The following PIEZO2 variants were observed in gnomAD, a reference collection of about 807,000 sequenced individuals.
PIEZO2 encodes the protein piezo type mechanosensitive ion channel component 2.
In PIEZO2, 172 loss-of-function variants were observed where a neutral mutation model predicts 337.3. The ratio of observed to expected loss-of-function variants is 0.51; its 90% CI spans 0.45 to 0.58. The LOEUF is 0.58. Ranked by LOEUF, PIEZO2 falls within the 20% of genes least tolerant of loss-of-function variation. The pLI is 0.00. For missense variants in PIEZO2, 3,028 were observed against 3,391.3 expected (o/e 0.89, Z 2.66); for synonymous variants, 1,251 against 1,228.5 (o/e 1.02, Z -0.38).
Position 10,837,614 on chromosome 18 carries a change from T to C in PIEZO2, c.917+17739A>G, listed in dbSNP as rs1042468965. Among the ~76,000 whole-genome samples, 4 of 152,170 alleles carry C rather than the reference T, an allele frequency of 2.6e-5. No homozygotes were observed. Among genetic ancestry groups the C allele is most frequent in the African/African-American group, 9.7e-5 (4 of 41,424 alleles). ...TGTAAGAAAAGGCCTAAAATCTAACTGTGGGTGGACAGAACAGAATTAATT... is the reference window on the plus strand; with the variant it reads ...TGTAAGAAAAGGCCTAAAATCTAACCGTGGGTGGACAGAACAGAATTAATT... On this transcript the variant is annotated intron_variant, in intron 7 of 55. Coordinates refer to ENST00000674853, the MANE Select transcript of PIEZO2 (RefSeq NM_001378183.1). The surrounding 1 kb of genome is among the most constrained non-coding windows in gnomAD (Gnocchi z 4.4).
intron 50 of PIEZO2, 133 bp from the exon 51 acceptor site, chr18:10,681,886 G>A (rs988728264): frequency 2.0e-5 from 17 of 868,894 alleles, no homozygotes; most frequent in Admixed American, 2.6e-5. Flanking sequence ...CATGGCATCC[G>A]AGATCTCTTT....
intron 2 of PIEZO2, among the ~76,000 whole-genome samples, chr18:11,005,589 G>C (rs933502657): frequency 2.0e-5 from 3 of 151,982 alleles, no homozygotes; most frequent in Admixed American, 6.6e-5. Flanking sequence ...GACTGCTAAT[G>C]TGCTTCAGCC....
At chr18:10,999,242 C>T (rs1479752315) in intron 2 of PIEZO2, among the ~76,000 whole-genome samples, 3 of 151,018 alleles carry the variant, frequency 2.0e-5, no homozygotes, top group East Asian at 1.9e-4. Flanking sequence ...ACCAAATCTG[C>T]GTAGAGTTTG....
Position 10,872,281 on chromosome 18 carries a change from A to T in PIEZO2, c.330-866T>A, listed in dbSNP as rs558430579. 6.6e-6 allele frequency among the ~76,000 whole-genome samples: 1 copy of T among 152,318 alleles called. No homozygotes were observed. Among genetic ancestry groups the T allele is most frequent in the African/African-American group, 2.4e-5 (1 of 41,576 alleles). Reference sequence around the variant, plus strand: ...TTTGTTATAATTGAGATCCTGAAACAAATATATTTAATAATATAGCAGGCA... The same window carrying T: ...TTTGTTATAATTGAGATCCTGAAACTAATATATTTAATAATATAGCAGGCA... On this transcript the variant is annotated intron_variant, in intron 4 of 55. Coordinates refer to ENST00000674853, the MANE Select transcript of PIEZO2 (RefSeq NM_001378183.1). The surrounding 1 kb of genome is among the most constrained non-coding windows in gnomAD (Gnocchi z 4.3).
chr18:10,797,562 A>C (rs1234821339), intron 11 of PIEZO2, 40 bp from the exon 12 acceptor site: 1 of 1,532,952 alleles, frequency 6.5e-7, no homozygotes, highest in Admixed American at 2.0e-5. Context: ...TTATGCAAAC[A>C]TGTGACATTT....
rs1277898816 is a variant in PIEZO2 at position 10,783,190 on chromosome 18, C to A, written c.2492+1594G>T. ...TTTCACTAGCAATGCTTAATAATTA[C>A]AACTCCTTCACAAACATATAAATTG... On this transcript the variant is annotated intron_variant, in intron 17 of 55. Coordinates refer to ENST00000674853, the MANE Select transcript of PIEZO2 (RefSeq NM_001378183.1). The surrounding 1 kb of genome is among the most constrained non-coding windows in gnomAD (Gnocchi z 4.3). Among the ~76,000 whole-genome samples, 1 of 152,002 alleles carries A rather than the reference C, an allele frequency of 6.6e-6. No homozygotes were observed. Among genetic ancestry groups the A allele is most frequent in the Admixed American group, 6.6e-5 (1 of 15,264 alleles).
At chr18:10,891,756 T>C (rs1330638387) in intron 4 of PIEZO2, among the ~76,000 whole-genome samples, 1 of 152,166 alleles carries the variant, frequency 6.6e-6, no homozygotes, top group Admixed American at 6.5e-5. Context: ...TATAAAAAAT[T>C]CCAAATTTTT....
intron 3 of PIEZO2, among the ~76,000 whole-genome samples, chr18:10,941,454 C>G (rs2032722146): frequency 6.6e-6 from 1 of 152,096 alleles, no homozygotes; most frequent in African/African-American, 2.4e-5. Context: ...GGAAATGAAC[C>G]CCACACAAAT....
At chr18:11,010,443 C>T (rs757558195) in intron 2 of PIEZO2, among the ~76,000 whole-genome samples, 3 of 152,084 alleles carry the variant, frequency 2.0e-5, no homozygotes, top group African/African-American at 4.8e-5. Flanking sequence ...TCACACAATC[C>T]TCTAAGAGCC....
intron 3 of PIEZO2, among the ~76,000 whole-genome samples, chr18:10,957,491 T>C (rs1482103277): frequency 3.3e-5 from 5 of 151,104 alleles, no homozygotes; most frequent in Non-Finnish European, 7.4e-5. Flanking sequence ...AATTATACCC[T>C]CTTCTTATAC....
chr18:10,959,188 T>A (rs2033663966), intron 3 of PIEZO2, among the ~76,000 whole-genome samples: 1 of 152,196 alleles, frequency 6.6e-6, no homozygotes, highest in Admixed American at 6.5e-5. Flanking sequence ...AAAGAGCTGT[T>A]TTAAATGGTT....
At chr18:11,007,805 G>A (rs1240472507) in intron 2 of PIEZO2, among the ~76,000 whole-genome samples, 1 of 152,052 alleles carries the variant, frequency 6.6e-6, no homozygotes, top group African/African-American at 2.4e-5. Context: ...GAAGGCAAAT[G>A]TAAATATACT....
chr18:10,806,604 G>T (rs146783967), intron 8 of PIEZO2, among the ~76,000 whole-genome samples: 10 of 152,126 alleles, frequency 6.6e-5, no homozygotes, highest in African/African-American at 2.2e-4. Flanking sequence ...AAGAGCGCTG[G>T]AGGAGATTTG....
chr18:10,842,300 C>T (rs2041221711), intron 7 of PIEZO2, among the ~76,000 whole-genome samples: 1 of 151,780 alleles, frequency 6.6e-6, no homozygotes, highest in Non-Finnish European at 1.5e-5. Flanking sequence ...GATGTTTGTC[C>T]CCTCCAAATC....
In PIEZO2 at chr18:11,109,611, C is replaced by T. The variant is rs185287262; in HGVS notation, c.64+38914G>A. 4.9e-4 allele frequency among the ~76,000 whole-genome samples: 74 copies of T among 152,034 alleles called. No homozygotes were observed. In the East Asian group the frequency reaches 7.6e-3, roughly 16 times the overall value. On this transcript the variant is annotated intron_variant, in intron 1 of 55. Transcript: ENST00000674853. The surrounding 1 kb of genome is among the most constrained non-coding windows in gnomAD (Gnocchi z 5.1). Reference sequence around the variant, plus strand: ...CATGCACCTGTAATCCCAGCTACACCGGAGGCTGAGGCAAGAGAATTGTTT... The same window carrying T: ...CATGCACCTGTAATCCCAGCTACACTGGAGGCTGAGGCAAGAGAATTGTTT...
rs549662510 is a variant in PIEZO2 at position 10,880,244 on chromosome 18, G to A, written c.330-8829C>T. Among the ~76,000 whole-genome samples, 46 of 152,272 alleles carry A rather than the reference G, an allele frequency of 3.0e-4. 1 individual carries two copies. Among genetic ancestry groups the A allele is most frequent in the African/African-American group, 1.0e-3 (42 of 41,566 alleles). ...GGCACTGATGGCCATGCCTGAATTT[G>A]GTCTGATAAATTTATTAATCAAATT... is the stretch of plus-strand genomic sequence containing the variant. On this transcript the variant is annotated intron_variant, in intron 4 of 55. Transcript: ENST00000674853.
rs531859437 is a variant in PIEZO2, at chr18:10,765,202, G to A, written c.2947-2104C>T. ...CAGCGTAAGGGGACTGAGACCTGACGAATAAACAGGAGTTAGACAGGCAGA... is the reference window on the plus strand; with the variant it reads ...CAGCGTAAGGGGACTGAGACCTGACAAATAAACAGGAGTTAGACAGGCAGA... On this transcript the variant is annotated intron_variant, in intron 21 of 55. Transcript: ENST00000674853. 3.3e-5 allele frequency among the ~76,000 whole-genome samples: 5 copies of A among 152,318 alleles called. No individual in the cohort carries two copies. In the South Asian group the frequency reaches 8.3e-4, roughly 25 times the overall value.
At position 10,830,185 on chromosome 18, in the gene PIEZO2, C is replaced by T. The variant is rs571328957; in HGVS notation, c.918-22911G>A. Among the ~76,000 whole-genome samples, 2 of 152,148 alleles carry T rather than the reference C, an allele frequency of 1.3e-5. No individual in the cohort carries two copies. Among genetic ancestry groups the T allele is most frequent in the African/African-American group, 4.8e-5 (2 of 41,460 alleles). ...TTGACAAAGGTGCTAAGAACATACACATGGGAAAGGACAGTCTCTTCAATA... is the reference window on the plus strand; with the variant it reads ...TTGACAAAGGTGCTAAGAACATACATATGGGAAAGGACAGTCTCTTCAATA... On this transcript the variant is annotated intron_variant, in intron 7 of 55. Coordinates refer to ENST00000674853, the MANE Select transcript of PIEZO2 (RefSeq NM_001378183.1). The surrounding 1 kb of genome is among the most constrained non-coding windows in gnomAD (Gnocchi z 4.7).
intron 7 of PIEZO2, among the ~76,000 whole-genome samples, chr18:10,812,917 T>C (rs1473967739): frequency 6.6e-6 from 1 of 151,940 alleles, no homozygotes; most frequent in Non-Finnish European, 1.5e-5. Flanking sequence ...ATACTGAAAA[T>C]AGCAGCACAC....
Sources: allele counts gnomAD v4.1 joint callset (sites outside exome capture counted in the v4.1 genomes callset), GRCh38; gene constraint gnomAD v4.1.1; non-coding constraint Gnocchi (gnomAD v3.1); transcripts MANE v1.5; gene names NCBI Gene and HGNC (gene_info 2026-07-23, HGNC 2026-07-21).